Variants in SIMC1 observed in about 807,000 individuals in gnomAD.
SIMC1 encodes the protein SUMO interacting motifs containing 1, also known as SUMO-interacting motif-containing protein 1.
A neutral mutation model predicts 82.3 loss-of-function variants in SIMC1; 55 were observed. The observed-to-expected ratio is 0.67, with a 90% confidence interval of 0.54 to 0.84. The LOEUF is 0.84. Ranked by LOEUF, SIMC1 falls within the 40% of genes least tolerant of loss-of-function variation. The pLI is 0.00. For missense variants in SIMC1, 915 were observed against 1,107.2 expected (o/e 0.83, Z 2.46); for synonymous variants, 353 against 426.3 (o/e 0.83, Z 2.12).
chr5:176,333,709 T>G (rs903229452), intron 7 of SIMC1, among the ~76,000 whole-genome samples: 15 of 152,126 alleles, frequency 9.9e-5, no homozygotes, highest in African/African-American at 3.6e-4. Flanking sequence ...GGATTACAGG[T>G]GTGAGCCACT....
chr5:176,287,481 G>A (rs779947460), intron 1 of SIMC1, among the ~76,000 whole-genome samples: 7 of 152,130 alleles, frequency 4.6e-5, no homozygotes, highest in Non-Finnish European at 1.0e-4. Context: ...GGCCTGTAGT[G>A]GGGTGGGTGG....
rs192830416 is a variant in SIMC1, at chr5:176,257,103, G to C, written c.129+18466G>C. Among the ~76,000 whole-genome samples, 102 of 151,988 alleles carry C rather than the reference G, an allele frequency of 6.7e-4. 2 individuals carry two copies. In the East Asian group the frequency reaches 0.017, roughly 26 times the overall value. On this transcript the variant is annotated intron_variant, in intron 1 of 9. Transcript: ENST00000429602. ...ATTATTTTATTTACTTGTGTTTCTGGGTTTTCCATTATGTTTCATTGATTT... is the reference window on the plus strand; with the variant it reads ...ATTATTTTATTTACTTGTGTTTCTGCGTTTTCCATTATGTTTCATTGATTT...
At chr5:176,296,529 C>T in intron 4 of SIMC1, 6 of 561,960 alleles carry the variant, frequency 1.1e-5, no homozygotes. Flanking sequence ...TTTAGCCAGG[C>T]ATAGTGATGC....
At chr5:176,315,761 C>T (rs1764874627) in intron 5 of SIMC1, among the ~76,000 whole-genome samples, 1 of 152,032 alleles carries the variant, frequency 6.6e-6, no homozygotes, top group African/African-American at 2.4e-5. Context: ...GTTTACATGC[C>T]CATATTTATT....
chr5:176,274,227 G>C lies in SIMC1; in HGVS notation c.130-15427G>C, dbSNP rs1363897845. 5.8e-5 allele frequency among the ~76,000 whole-genome samples: 8 copies of C among 137,416 alleles called. No homozygotes were observed. The East Asian group carries it at 1.7e-3, about 29-fold the overall frequency. 90.2% of individuals were successfully genotyped at this position (137,416 alleles called of 152,430 possible). A position where few individuals can be genotyped will look rare whatever the true frequency, so the allele number is the denominator to read the frequency against. ...TGGTGTGAGATGATATCTCATTGTGGTTTTGATTTGCATTTCTCTGATGGC... is the reference window on the plus strand; with the variant it reads ...TGGTGTGAGATGATATCTCATTGTGCTTTTGATTTGCATTTCTCTGATGGC... On this transcript the variant is annotated intron_variant, in intron 1 of 9. Transcript: ENST00000429602.
chr5:176,293,077 T>C (rs374735480), intron 2 of SIMC1, among the ~76,000 whole-genome samples: 2 of 152,126 alleles, frequency 1.3e-5, no homozygotes, highest in Non-Finnish European at 2.9e-5. Flanking sequence ...TGTTTCTTTA[T>C]TTATGAGATA....
chr5:176,301,388 G>A (rs547739903), intron 4 of SIMC1, among the ~76,000 whole-genome samples: 78 of 152,150 alleles, frequency 5.1e-4, no homozygotes, highest in Non-Finnish European at 8.8e-4. Flanking sequence ...ATGTGGAACT[G>A]TAAGGCAACT....
intron 1 of SIMC1, among the ~76,000 whole-genome samples, chr5:176,272,195 A>AAAAGGTG (rs1762470712): frequency 2.1e-5 from 3 of 144,408 alleles, no homozygotes; most frequent in Non-Finnish European, 3.0e-5. Context: ...AAAAAAAAAA[A>AAAAGGTG]AAAGGTGGGC....
At chr5:176,323,493 C>T (rs969930289) in intron 6 of SIMC1, among the ~76,000 whole-genome samples, 1 of 152,138 alleles carries the variant, frequency 6.6e-6, no homozygotes, top group Non-Finnish European at 1.5e-5. Context: ...ATATAGCACT[C>T]ACAACTTTAC....
chr5:176,294,982 A>AAG, intron 2 of SIMC1, 48 bp from the exon 3 acceptor site: 3 of 1,539,304 alleles, frequency 1.9e-6, no homozygotes, highest in Non-Finnish European at 8.7e-7. Context: ...AAAAAAAAAA[A>AAG]AAAAGAAAAG....
chr5:176,341,672 G>A (rs997429141), intron 9 of SIMC1, among the ~76,000 whole-genome samples: 21 of 152,164 alleles, frequency 1.4e-4, no homozygotes, highest in African/African-American at 4.3e-4. Flanking sequence ...CCAGGGTTCT[G>A]CCATTACTGA....
At chr5:176,331,210 A>G (rs1765645901) in intron 7 of SIMC1, among the ~76,000 whole-genome samples, 2 of 151,984 alleles carry the variant, frequency 1.3e-5, no homozygotes, top group Non-Finnish European at 2.9e-5. Flanking sequence ...CTCTACTAAA[A>G]ATACAGAAAA....
At position 176,292,658 on chromosome 5, in the gene SIMC1, C is replaced by A. The variant is rs1017012044; in HGVS notation, c.1431+1703C>A. On this transcript the variant is annotated intron_variant, in intron 2 of 9. Transcript: ENST00000429602. ...CTCCCAGGTTCAAGCGATTCTCCTG[C>A]CACAGCCTCCCGCGTAGCTGGGTTA... 7.9e-4 allele frequency among the ~76,000 whole-genome samples: 121 copies of A among 152,264 alleles called. 1 individual carries two copies. Among genetic ancestry groups the A allele is most frequent in the Middle Eastern group, 3.4e-3 (1 of 294 alleles).
intron 1 of SIMC1, among the ~76,000 whole-genome samples, chr5:176,260,299 C>T (rs1224085588): frequency 6.6e-6 from 1 of 151,904 alleles, no homozygotes; most frequent in Non-Finnish European, 1.5e-5. Context: ...ATGACTTTGG[C>T]GACTCGGGGA....
chr5:176,246,119 C>T (rs1340237263), intron 1 of SIMC1, among the ~76,000 whole-genome samples: 1 of 151,070 alleles, frequency 6.6e-6, no homozygotes, highest in Non-Finnish European at 1.5e-5. Flanking sequence ...AAGCAATTCT[C>T]CTGCCTCAGC....
At chr5:176,326,032 G>A (rs917830333) in intron 7 of SIMC1, among the ~76,000 whole-genome samples, 16 of 152,274 alleles carry the variant, frequency 1.1e-4, no homozygotes, top group Admixed American at 7.2e-4. Context: ...TTAAAATCCA[G>A]AGGAAGAAAA....
rs71599491 is a variant in SIMC1 at position 176,329,444 on chromosome 5, T to C, written c.2171+4687T>C. Among the ~76,000 whole-genome samples the C allele has an allele frequency of 1.7e-3, 254 of 147,160 alleles. 1 individual carries two copies. The highest frequency in any genetic ancestry group is 7.4e-3 in the Middle Eastern group (2 of 270). Reference sequence around the variant, plus strand: ...AGAGATAGAGATAGTGCAACTGCAGTCCAGCCTGGGCGAAAGAGTCCAGCC... The same window carrying C: ...AGAGATAGAGATAGTGCAACTGCAGCCCAGCCTGGGCGAAAGAGTCCAGCC... On this transcript the variant is annotated intron_variant, in intron 7 of 9. Transcript: ENST00000429602.
At position 176,345,303 on chromosome 5, in the gene SIMC1, G is replaced by A. The variant is rs761470600; in HGVS notation, c.2534G>A (p.Arg845His). 1.5e-5 allele frequency: 25 copies of A among 1,613,842 alleles called. No homozygotes were observed. The highest frequency in any genetic ancestry group is 4.4e-5 in the South Asian group (4 of 91,088). ...GTAGAGAAGCAGATTGAGGCCTTCC[G>A]CAGCCGCCTGATCCAGATGCTGGGG... ...VDVEKQIEAFRSRLIQMLGEP... is the reference protein window; with the variant it reads ...VDVEKQIEAFHSRLIQMLGEP... The change falls in exon 10 of 10, where the codon CGC (arginine) becomes CAC (histidine). Residue 845 changes from arginine (R) to histidine (H), a missense_variant. Arg to His is a conservative substitution (Grantham distance 29). This residue lies in a region of SIMC1 where 902 missense variants were observed against 1,040.3 expected (regional missense o/e 0.87). Coordinates refer to ENST00000429602, the MANE Select transcript of SIMC1 (RefSeq NM_001308195.2).
chr5:176,270,710 C>T lies in SIMC1; in HGVS notation c.130-18944C>T, dbSNP rs144296973. On this transcript the variant is annotated intron_variant, in intron 1 of 9. Coordinates refer to ENST00000429602, the MANE Select transcript of SIMC1 (RefSeq NM_001308195.2). ...TTGTGAGACTTTGCATTGGAACTCA[C>T]TGCAGCCCTGTCACAGCAGAAAACA... 4.6e-5 allele frequency among the ~76,000 whole-genome samples: 7 copies of T among 152,338 alleles called. No individual in the cohort carries two copies. In the East Asian group the frequency reaches 7.7e-4, roughly 17 times the overall value.
Sources: gnomAD v4.1 joint callset for allele counts (sites outside exome capture counted in the v4.1 genomes callset) on GRCh38, gnomAD v4.1.1 for gene constraint, gnomAD v4.1.1 regional missense constraint, MANE v1.5 for transcripts, NCBI Gene and HGNC (gene_info 2026-07-23, HGNC 2026-07-21) for gene names.